The following ARB2A variants were observed in gnomAD, a reference collection of about 807,000 sequenced individuals.
ARB2A encodes cotranscriptional regulator ARB2A.
At chr5:93,946,491 G>GA in the ARB2A span, among the ~76,000 whole-genome samples, 1 of 152,060 alleles carries the variant, frequency 6.6e-6, no homozygotes, top group Non-Finnish European at 1.5e-5. Context: ...TATCAAAAAT[G>GA]AAAAGCAATC....
the ARB2A span, among the ~76,000 whole-genome samples, chr5:93,959,556 A>G: frequency 2.0e-5 from 3 of 152,148 alleles, no homozygotes; most frequent in East Asian, 1.9e-4. Context: ...TTTAAGGGGA[A>G]GAAGAGGAAA....
chr5:94,032,770 TTTTAAGA>T, the ARB2A span, among the ~76,000 whole-genome samples: 1 of 152,018 alleles, frequency 6.6e-6, no homozygotes, highest in Non-Finnish European at 1.5e-5. Flanking sequence ...GATTCTGGAG[TTTTAAGA>T]TTTAATACCT....
At chr5:93,913,079 T>C in the ARB2A span, among the ~76,000 whole-genome samples, 1 of 151,836 alleles carries the variant, frequency 6.6e-6, no homozygotes, top group Non-Finnish European at 1.5e-5. Flanking sequence ...CCCCATAGTC[T>C]CCTTTTTCTC....
chr5:93,943,532 C>T, the ARB2A span, among the ~76,000 whole-genome samples: 1 of 152,234 alleles, frequency 6.6e-6, no homozygotes, highest in East Asian at 1.9e-4. Flanking sequence ...CATTACTCTT[C>T]TTAAAAATAA....
At chr5:93,767,757 G>A in the ARB2A span, among the ~76,000 whole-genome samples, 3 of 151,894 alleles carry the variant, frequency 2.0e-5, no homozygotes, top group Non-Finnish European at 4.4e-5. Flanking sequence ...GACTTTGGGA[G>A]GCCGAGATGG....
chr5:94,104,717 A>T, the ARB2A span, among the ~76,000 whole-genome samples: 2 of 152,082 alleles, frequency 1.3e-5, no homozygotes, highest in Non-Finnish European at 2.9e-5. Context: ...ACTTTAGACC[A>T]ATATCCCTGA....
chr5:93,725,357 G>T, the ARB2A span, among the ~76,000 whole-genome samples: 5 of 151,732 alleles, frequency 3.3e-5, no homozygotes, highest in East Asian at 1.9e-4. Context: ...TTTCCACTAG[G>T]GATTTAAGGC....
chr5:93,911,389 T>C, the ARB2A span, among the ~76,000 whole-genome samples: 1,691 of 151,744 alleles, frequency 0.011, 24 homozygotes, highest in African/African-American at 0.038. Context: ...TTGTCTTGGA[T>C]TATTCTCTTG....
the ARB2A span, among the ~76,000 whole-genome samples, chr5:94,044,367 T>C: frequency 6.6e-6 from 1 of 152,210 alleles, no homozygotes; most frequent in African/African-American, 2.4e-5. Flanking sequence ...ATTCCAGATA[T>C]CACCTCTTGT....
chr5:93,725,618 C>A, the ARB2A span, among the ~76,000 whole-genome samples: 4 of 151,936 alleles, frequency 2.6e-5, no homozygotes, highest in Non-Finnish European at 4.4e-5. Context: ...AATGCAAGGA[C>A]CTTGCTAATC....
the ARB2A span, among the ~76,000 whole-genome samples, chr5:93,765,310 C>G: frequency 6.6e-6 from 1 of 152,132 alleles, no homozygotes; most frequent in Non-Finnish European, 1.5e-5. Context: ...TGTCTCAGCC[C>G]AAAATCTCCT....
chr5:94,016,924 AC>A, the ARB2A span, among the ~76,000 whole-genome samples: 1 of 152,224 alleles, frequency 6.6e-6, no homozygotes, highest in Non-Finnish European at 1.5e-5. Flanking sequence ...GGGATCAAGG[AC>A]TTGATGGGGT....
the ARB2A span, among the ~76,000 whole-genome samples, chr5:93,836,065 T>C: frequency 2.0e-5 from 3 of 152,284 alleles, no homozygotes; most frequent in Admixed American, 1.3e-4. Context: ...TCTCGCTCTG[T>C]CGCCCAGGCT....
the ARB2A span, among the ~76,000 whole-genome samples, chr5:93,954,499 G>A: frequency 4.6e-5 from 7 of 152,068 alleles, no homozygotes; most frequent in South Asian, 1.5e-3. Flanking sequence ...CAAGTTGCAA[G>A]ACAAAGTCTT....
At chr5:93,716,340 A>G in the ARB2A span, among the ~76,000 whole-genome samples, 1 of 152,188 alleles carries the variant, frequency 6.6e-6, no homozygotes, top group Non-Finnish European at 1.5e-5. Flanking sequence ...TTTATAAACT[A>G]CTATTAAGAG....
the ARB2A span, among the ~76,000 whole-genome samples, chr5:94,092,731 T>C: frequency 6.6e-6 from 1 of 152,182 alleles, no homozygotes; most frequent in African/African-American, 2.4e-5. Context: ...TCACCATGCC[T>C]AGAAAACAGT....
At chr5:93,747,760 C>G in the ARB2A span, among the ~76,000 whole-genome samples, 1 of 152,136 alleles carries the variant, frequency 6.6e-6, no homozygotes, top group African/African-American at 2.4e-5. Context: ...CAGAAAACAT[C>G]AGGCAGATGA....
the ARB2A span, among the ~76,000 whole-genome samples, chr5:93,851,741 A>T: frequency 2.0e-5 from 3 of 152,210 alleles, no homozygotes; most frequent in East Asian, 5.8e-4. Context: ...ACTGAGAATG[A>T]TGATTTCCAA....
the ARB2A span, among the ~76,000 whole-genome samples, chr5:94,053,937 T>C: frequency 6.6e-6 from 1 of 152,032 alleles, no homozygotes; most frequent in Non-Finnish European, 1.5e-5. Flanking sequence ...CCAGGTTATA[T>C]TTTGTATTTT....
Sources: allele counts gnomAD v4.1 joint callset (sites outside exome capture counted in the v4.1 genomes callset), GRCh38; gene constraint gnomAD v4.1.1; transcripts MANE v1.5; gene names NCBI Gene and HGNC (gene_info 2026-07-23, HGNC 2026-07-21).